The following GBP2 variants were observed in gnomAD, a reference collection of about 807,000 sequenced individuals.
GBP2 encodes guanylate binding protein 2, also known as guanylate-binding protein 2.
Under a neutral mutation model 60.8 loss-of-function variants are expected in GBP2, and 54 were observed. The observed-to-expected ratio is 0.89, with a 90% CI of 0.71 to 1.11. The LOEUF is 1.11. Among genes scored for constraint, GBP2 ranks in the 50% most tolerant of loss-of-function variants. The pLI is 0.00. For missense variants in GBP2, 665 were observed against 703.3 expected, an observed-to-expected ratio of 0.95 and a Z score of 0.62; for synonymous variants, 243 against 256.5, an observed-to-expected ratio of 0.95 and a Z score of 0.50.
intron 8 of GBP2, among the ~76,000 whole-genome samples, 161 bp from the exon 9 acceptor site, chr1:89,110,427 G>C (rs1001118479): frequency 2.6e-5 from 4 of 152,094 alleles, no homozygotes; most frequent in African/African-American, 9.7e-5. Flanking sequence ...GTAAAAATAT[G>C]GAATGAGCCC....
At chr1:89,115,016 T>C (rs7523721) in intron 6 of GBP2, among the ~76,000 whole-genome samples, 2,088 of 152,322 alleles carry the variant, frequency 0.014, 49 homozygotes, top group African/African-American at 0.048. Context: ...GCCTATCTTA[T>C]ATTCCTTACT....
chr1:89,112,488 G>C lies in GBP2; in HGVS notation c.1346C>G (p.Pro449Arg). The C allele has an allele frequency of 6.2e-7, 1 of 1,613,982 alleles. No homozygotes were observed. The highest frequency in any genetic ancestry group is 1.7e-5 in the Admixed American group (1 of 60,022). ...QELKNKYYQV[P>R]RKGIQAKEVL... is the part of the protein sequence containing the mutation. ...GTAGTTTACCTGTATCCCCTTCCTT[G>C]GCACCTGGTAGTACTTATTCTTCAG... Residue 449 changes from proline (P) to arginine (R), a missense_variant, in exon 8 of 11, where the codon CCA becomes CGA. Transcript: ENST00000370466.
chr1:89,116,067 C>T (rs891225388), intron 6 of GBP2, among the ~76,000 whole-genome samples: 8 of 152,022 alleles, frequency 5.3e-5, no homozygotes, highest in Admixed American at 1.3e-4. Flanking sequence ...GGCTGGAGTG[C>T]GGTGGTGCAG....
rs781033921 is a variant in GBP2, at chr1:89,109,769, G to A, written c.1567C>T (p.Gln523Ter). The change falls in exon 10 of 11, where the codon CAG becomes TAG. Residue 523 changes from glutamine to a stop codon, truncating the protein, a stop_gained. Transcript: ENST00000370466. LOFTEE classifies it high-confidence loss of function. ...EMMEQKEKSY[Q>*]EHVKQLTEKM... ...TCAGTCAATTGTTTCACATGTTCCT[G>A]ATAACTCTTCTCTTTCTGTTCCATC... 1 of 1,613,962 alleles carries A rather than the reference G, an allele frequency of 6.2e-7. No homozygotes were observed. Among genetic ancestry groups the A allele is most frequent in the South Asian group, 1.1e-5 (1 of 91,076 alleles).
Position 89,114,084 on chromosome 1 carries a change from C to G in GBP2, c.1081G>C (p.Glu361Gln). 6.2e-7 allele frequency: 1 copy of G among 1,614,204 alleles called. No individual in the cohort carries two copies. Among genetic ancestry groups the G allele is most frequent in the Non-Finnish European group, 8.5e-7 (1 of 1,180,034 alleles). Residue 361 changes from glutamate to glutamine, a missense_variant, in exon 7 of 11, where the codon GAG (glutamate) becomes CAG (glutamine). Glu to Gln is a conservative substitution (Grantham distance 29). Transcript: ENST00000370466. ...TTCTTCATGAAGACTTCAATGGCCT[C>G]TCTCTCACTGTCCCTGTGCAGGTCC... ...LLDLHRDSER[E>Q]AIEVFMKNSF...
intron 10 of GBP2, among the ~76,000 whole-genome samples, chr1:89,109,195 T>C (rs1681115798): frequency 6.6e-6 from 1 of 152,096 alleles, no homozygotes; most frequent in African/African-American, 2.4e-5. Flanking sequence ...GCACCTGGCC[T>C]GGTTAGGGAA....
intron 1 of GBP2, among the ~76,000 whole-genome samples, chr1:89,125,504 C>T (rs932807230): frequency 6.6e-6 from 1 of 152,164 alleles, no homozygotes; most frequent in Admixed American, 6.5e-5. Context: ...ATAACGTGTT[C>T]CCTCTCTTTG....
chr1:89,110,270 G>T lies in GBP2; in HGVS notation c.1363-4C>A. The T allele has an allele frequency of 6.2e-7, 1 of 1,605,658 alleles. No individual in the cohort carries two copies. Among genetic ancestry groups the T allele is most frequent in the Non-Finnish European group, 8.5e-7 (1 of 1,173,090 alleles). On this transcript the variant is annotated splice_region_variant and splice_polypyrimidine_tract_variant and intron_variant, in intron 8 of 10. Coordinates refer to ENST00000370466, the MANE Select transcript of GBP2 (RefSeq NM_004120.5). Reference sequence around the variant, plus strand: ...ATTTTTTCAGCACCTCTTTGGCCTGGTTATACAGAGAAAGGTAGAATGAAG... The same window carrying T: ...ATTTTTTCAGCACCTCTTTGGCCTGTTTATACAGAGAAAGGTAGAATGAAG...
intron 1 of GBP2, among the ~76,000 whole-genome samples, chr1:89,123,049 C>T (rs935158334): frequency 7.2e-5 from 11 of 152,118 alleles, no homozygotes; most frequent in South Asian, 2.1e-4. Context: ...TTGCTCAACT[C>T]GTCCCAGATT....
At chr1:89,108,324 G>T in intron 10 of GBP2, 33 bp from the exon 11 acceptor site, 1 of 1,353,912 alleles carries the variant, frequency 7.4e-7, no homozygotes, top group Non-Finnish European at 1.1e-6. Context: ...AGCCTATCCA[G>T]CTTAACACAT....
chr1:89,121,328 T>A (rs1262924828), intron 2 of GBP2, 58 bp from the exon 3 acceptor site: 2 of 1,445,470 alleles, frequency 1.4e-6, no homozygotes, highest in African/African-American at 2.9e-5. Flanking sequence ...TTCTGGAAAT[T>A]GAGATAAAAG....
chr1:89,115,078 T>C (rs1386192977), intron 6 of GBP2, among the ~76,000 whole-genome samples: 2 of 152,204 alleles, frequency 1.3e-5, no homozygotes, highest in Admixed American at 1.3e-4. Flanking sequence ...CAAAACTTCA[T>C]CCACTCTGAA....
rs1681061298 is a variant in GBP2 at position 89,106,751 on chromosome 1, G to A, written c.*1424C>T. 1 of 152,206 alleles carries A rather than the reference G, an allele frequency of 6.6e-6. No individual in the cohort carries two copies. Among genetic ancestry groups the A allele is most frequent in the Admixed American group, 6.5e-5 (1 of 15,288 alleles). 9.4% of individuals were successfully genotyped at this position (152,206 alleles called of 1,614,324 possible). A position where few individuals can be genotyped will look rare whatever the true frequency, so the allele number is the denominator to read the frequency against. ...CAGACTTTCCCATGGGTAGGCATAT[G>A]ATTTAGATTCTTCCCTGCAGATTGA... On this transcript the variant is annotated 3_prime_UTR_variant, in exon 11 of 11. Coordinates refer to ENST00000370466, the MANE Select transcript of GBP2 (RefSeq NM_004120.5).
intron 8 of GBP2, among the ~76,000 whole-genome samples, chr1:89,112,037 C>T (rs561179041): frequency 2.0e-5 from 3 of 152,270 alleles, no homozygotes; most frequent in East Asian, 1.9e-4. Flanking sequence ...AAATGAATAA[C>T]GCTCTCAGCC....
chr1:89,110,216 A>C lies in GBP2; in HGVS notation c.1413T>G (p.Asp471Glu), dbSNP rs1259469176. ...GTGACTGATCAGTCTGTAGAAGTGC[A>C]TCAGCCACATCCTCCTTGGACTCCA... ...KYLESKEDVA[D>E]ALLQTDQSLS... The change falls in exon 9 of 11, where the codon GAT (aspartate) becomes GAG (glutamate). Residue 471 changes from aspartate (D) to glutamate (E), a missense_variant. Physicochemically the swap from Asp to Glu is conservative, Grantham distance 45 (BLOSUM62 2). Coordinates refer to ENST00000370466, the MANE Select transcript of GBP2 (RefSeq NM_004120.5). 1.2e-6 allele frequency: 2 copies of C among 1,613,844 alleles called. No individual in the cohort carries two copies. Among genetic ancestry groups the C allele is most frequent in the African/African-American group, 2.7e-5 (2 of 74,900 alleles).
intron 7 of GBP2, chr1:89,113,050 C>T: frequency 3.8e-6 from 1 of 265,680 alleles, no homozygotes; most frequent in Non-Finnish European, 7.3e-6. Flanking sequence ...ATACACTACA[C>T]TGTGGCTTGT....
At chr1:89,108,756 T>C (rs1004080036) in intron 10 of GBP2, among the ~76,000 whole-genome samples, 3 of 152,082 alleles carry the variant, frequency 2.0e-5, no homozygotes, top group Admixed American at 6.5e-5. Context: ...CAGAAATAAA[T>C]TGAGGAGATC....
intron 6 of GBP2, among the ~76,000 whole-genome samples, chr1:89,116,593 C>A (rs529356594): frequency 1.3e-5 from 2 of 151,930 alleles, no homozygotes; most frequent in African/African-American, 4.8e-5. Flanking sequence ...TAGGCATTCC[C>A]TAAATATTTT....
At chr1:89,123,246 T>C (rs1570325294) in intron 1 of GBP2, among the ~76,000 whole-genome samples, 1 of 152,226 alleles carries the variant, frequency 6.6e-6, no homozygotes, top group South Asian at 2.1e-4. Flanking sequence ...TAATGGTAGA[T>C]AGACAACAAG....
Sources: allele counts gnomAD v4.1 joint callset (sites outside exome capture counted in the v4.1 genomes callset), GRCh38; gene constraint gnomAD v4.1.1; transcripts MANE v1.5; gene names NCBI Gene and HGNC (gene_info 2026-07-23, HGNC 2026-07-21).